The following UGGT1 variants were observed in gnomAD, a reference collection of about 807,000 sequenced individuals.
UGGT1 encodes UDP-glucose:glycoprotein glucosyltransferase 1.
Under a neutral mutation model 203.9 loss-of-function variants are expected in UGGT1, and 107 were observed. The observed-to-expected ratio is 0.52, with a 90% CI of 0.45 to 0.62. The LOEUF is 0.62. Among genes scored for constraint, UGGT1 ranks in the 20% least tolerant of loss-of-function variants. UGGT1 has a pLI of 0.00. For missense variants in UGGT1, 1,673 were observed against 1,867.2 expected, an observed-to-expected ratio of 0.90 and a Z score of 1.92; for synonymous variants, 628 against 653.5, an observed-to-expected ratio of 0.96 and a Z score of 0.59.
At chr2:128,159,448 G>A (rs972769895) in intron 22 of UGGT1, 66 bp from the exon 23 acceptor site, 310 of 1,433,328 alleles carry the variant, frequency 2.2e-4, no homozygotes, top group Non-Finnish European at 2.9e-4. Flanking sequence ...CATGACTGAT[G>A]TTAATGCTGC....
chr2:128,135,072 C>A, intron 15 of UGGT1, 111 bp downstream of exon 15: 1 of 861,446 alleles, frequency 1.2e-6, no homozygotes, highest in Non-Finnish European at 1.9e-6. Flanking sequence ...TAGTGCACAT[C>A]ACTAATGGCA....
At chr2:128,139,279 T>G (rs537398362) in intron 16 of UGGT1, among the ~76,000 whole-genome samples, 7 of 152,300 alleles carry the variant, frequency 4.6e-5, no homozygotes, top group African/African-American at 1.7e-4. Context: ...TGAGACCAGA[T>G]CTTGTTGTGT....
intron 14 of UGGT1, 44 bp from the exon 15 acceptor site, chr2:128,134,832 T>C (rs377019048): frequency 2.5e-6 from 4 of 1,570,750 alleles, no homozygotes; most frequent in African/African-American, 1.3e-5. Context: ...CACAGATACT[T>C]GAATAAATGT....
At chr2:128,138,514 TAA>T (rs112766490) in intron 15 of UGGT1, among the ~76,000 whole-genome samples, 1 of 141,664 alleles carries the variant, frequency 7.1e-6, no homozygotes. Context: ...AAACTCTGTC[TAA>T]AAAAAAAAAA....
chr2:128,110,545 C>T (rs1267017033), intron 5 of UGGT1, among the ~76,000 whole-genome samples: 2 of 152,172 alleles, frequency 1.3e-5, no homozygotes, highest in Non-Finnish European at 2.9e-5. Context: ...TACAGTAGTG[C>T]TGTCTCTTGG....
chr2:128,120,751 T>G (rs560668927), intron 9 of UGGT1, among the ~76,000 whole-genome samples: 24 of 152,326 alleles, frequency 1.6e-4, no homozygotes, highest in Admixed American at 1.4e-3. Context: ...ATATATACAT[T>G]TCTTCAACTG....
intron 1 of UGGT1, among the ~76,000 whole-genome samples, chr2:128,092,113 C>A (rs1278065193): frequency 6.6e-6 from 1 of 152,104 alleles, no homozygotes; most frequent in East Asian, 1.9e-4. Context: ...TACTTGCCAG[C>A]CAATTTTAGT....
chr2:128,172,678 C>G lies in UGGT1; in HGVS notation c.3210C>G (p.Phe1070Leu). The G allele has an allele frequency of 6.2e-7, 1 of 1,614,130 alleles. No individual in the cohort carries two copies. The highest frequency in any genetic ancestry group is 8.5e-7 in the Non-Finnish European group (1 of 1,180,008). Residue 1070 changes from phenylalanine to leucine, a missense_variant, in exon 29 of 41, where the codon TTC (phenylalanine) becomes TTG (leucine). By Grantham distance (22) the Phe-to-Leu change is conservative. Coordinates refer to ENST00000259253, the MANE Select transcript of UGGT1 (RefSeq NM_020120.4). The stretch of plus-strand genomic sequence containing the variant: ...TGGATATGCCTCAGTCTCCACTGTT[C>G]ACTCTGAATTTGAACACACCTGAGA... The part of the protein sequence containing the change: ...KFLDMPQSPL[F>L]TLNLNTPESW...
intron 25 of UGGT1, among the ~76,000 whole-genome samples, chr2:128,161,502 A>G (rs1170855561): frequency 1.3e-5 from 2 of 152,046 alleles, no homozygotes; most frequent in Non-Finnish European, 2.9e-5. Flanking sequence ...TTTTATTTTT[A>G]TAATTTTTGG....
intron 10 of UGGT1, among the ~76,000 whole-genome samples, chr2:128,122,458 C>T (rs1046811609): frequency 2.0e-5 from 3 of 151,620 alleles, no homozygotes; most frequent in Non-Finnish European, 4.4e-5. Flanking sequence ...CGCTTGAACC[C>T]GGGAGGTGAA....
rs374536872 is a variant in UGGT1, at chr2:128,180,921, A to G, written c.3932A>G (p.Asn1311Ser). The G allele has an allele frequency of 5.5e-5, 88 of 1,613,896 alleles. 1 individual carries two copies. The highest frequency in any genetic ancestry group is 1.6e-4 in the Middle Eastern group (1 of 6,062). The change falls in exon 36 of 41, where the codon AAT (asparagine) becomes AGT (serine). Residue 1311 changes from asparagine (N) to serine (S), a missense_variant. By Grantham distance (46) the Asn-to-Ser change is conservative (BLOSUM62 1). Transcript: ENST00000259253. ...ATACCTTACATGGCAAATGAATACA[A>G]TTTCCAGTATGAGCTTGTTCAGTAC... ...EFIPYMANEY[N>S]FQYELVQYKW...
chr2:128,189,307 G>GA (rs1692144016), intron 40 of UGGT1, among the ~76,000 whole-genome samples: 1 of 152,144 alleles, frequency 6.6e-6, no homozygotes, highest in African/African-American at 2.4e-5. Context: ...TTGTATACAT[G>GA]AAAAAATTTA....
intron 16 of UGGT1, among the ~76,000 whole-genome samples, chr2:128,142,045 G>A (rs889179348): frequency 1.3e-5 from 2 of 151,808 alleles, no homozygotes; most frequent in African/African-American, 4.8e-5. Flanking sequence ...GGGTTTAAGG[G>A]ATTCGCCTGC....
Position 128,187,506 on chromosome 2 carries a change from G to T in UGGT1, c.4534G>T (p.Glu1512Ter). The T allele has an allele frequency of 6.2e-7, 1 of 1,614,150 alleles. No individual in the cohort carries two copies. The highest frequency in any genetic ancestry group is 8.5e-7 in the Non-Finnish European group (1 of 1,180,026). Residue 1512 changes from glutamate (E) to a stop codon, truncating the protein, a stop_gained, in exon 40 of 41, where the codon GAG becomes TAG. Coordinates refer to ENST00000259253, the MANE Select transcript of UGGT1 (RefSeq NM_020120.4). LOFTEE classifies it high-confidence loss of function. Reference protein sequence around the residue: ...KLEAAVRIVPEWQDYDQEIKQ... With the variant: ...KLEAAVRIVP ...GGAAGCAGCTGTGCGGATTGTCCCG[G>T]AGTGGCAGGACTACGACCAAGAGAT...
chr2:128,092,976 T>G (rs1311714596), intron 1 of UGGT1, among the ~76,000 whole-genome samples: 1 of 152,186 alleles, frequency 6.6e-6, no homozygotes, highest in African/African-American at 2.4e-5. Flanking sequence ...TAAGAACCCC[T>G]AGGGTCAGAA....
In UGGT1 at chr2:128,188,194, A is replaced by G. The variant is rs372691162; in HGVS notation, c.4642+580A>G. Among the ~76,000 whole-genome samples the G allele has an allele frequency of 3.3e-5, 5 of 151,458 alleles. No individual in the cohort carries two copies. The East Asian group carries it at 9.7e-4, about 29-fold the overall frequency. On this transcript the variant is annotated intron_variant, in intron 40 of 40. Transcript: ENST00000259253. ...CACCACCACACCCAGCTATTTTTAA[A>G]TTTTATTTATTTTTTATTTTTTGTA...
intron 1 of UGGT1, among the ~76,000 whole-genome samples, chr2:128,096,457 T>C (rs1687121664): frequency 6.6e-6 from 1 of 152,336 alleles, no homozygotes; most frequent in African/African-American, 2.4e-5. Flanking sequence ...TCTTTGACTC[T>C]TCAGCTTCTG....
rs1030218053 is a variant in UGGT1 at position 128,192,784 on chromosome 2, C to T, written c.*3042C>T. ...CTTTAAGAGTGGTAAAGTTGTACAT[C>T]TGTCATTGTTGCATTTCGAATTGAA... On this transcript the variant is annotated 3_prime_UTR_variant, in exon 41 of 41. Coordinates refer to ENST00000259253, the MANE Select transcript of UGGT1 (RefSeq NM_020120.4). 7.2e-5 allele frequency: 11 copies of T among 152,116 alleles called. 1 individual carries two copies. Among genetic ancestry groups the T allele is most frequent in the Admixed American group, 5.9e-4 (9 of 15,254 alleles). 9.4% of individuals were successfully genotyped at this position (152,116 alleles called of 1,614,324 possible).
At position 128,177,843 on chromosome 2, in the gene UGGT1, G is replaced by A; in HGVS notation, c.3636G>A (p.Lys1212=). 1 of 1,599,994 alleles carries A rather than the reference G, an allele frequency of 6.3e-7. No homozygotes were observed. Among genetic ancestry groups the A allele is most frequent in the Non-Finnish European group, 8.5e-7 (1 of 1,174,064 alleles). ...SKIIKVKVQK[K]ADMVNEDLLS... ...ACATTTGATTGCAGGTTCAGAAGAA[G>A]GCAGATATGGTGAACGAAGACTTGC... Residue 1212 remains lysine (K), a synonymous_variant, in exon 33 of 41, where the codon AAG becomes AAA. Transcript: ENST00000259253.
Sources: gnomAD v4.1 joint callset for allele counts (sites outside exome capture counted in the v4.1 genomes callset) on GRCh38, gnomAD v4.1.1 for gene constraint, MANE v1.5 for transcripts, NCBI Gene and HGNC (gene_info 2026-07-23, HGNC 2026-07-21) for gene names.